PVALB: variants seen among roughly 807,000 people sequenced by gnomAD.
PVALB encodes parvalbumin alpha.
In PVALB, 11 loss-of-function variants were observed where a neutral mutation model predicts 10.9. The observed-to-expected ratio is 1.01, with a 90% CI of 0.63 to 1.67. The LOEUF (loss-of-function observed/expected upper bound fraction) is 1.67. PVALB is among the 40% of genes most tolerant of loss of function. PVALB has a pLI of 0.00. For synonymous variants in PVALB, 57 were observed against 50.7 expected (o/e 1.12, Z -0.53); for missense variants, 131 against 136.2 (o/e 0.96, Z 0.19).
Position 36,800,796 on chromosome 22 carries a change from A to ACC in PVALB, c.*93_*94insGG. 7.1e-7 allele frequency: 1 copy of ACC among 1,403,180 alleles called. No homozygotes were observed. Among genetic ancestry groups the ACC allele is most frequent in the Non-Finnish European group, 1.0e-6 (1 of 988,280 alleles). 86.9% of individuals were successfully genotyped at this position (1,403,180 alleles called of 1,614,324 possible). The stretch of plus-strand genomic sequence containing the variant: ...GGATGGGGGAGTAAAAAATAACATA[A>ACC]ACGAACTGAACAGAAATGCAGGAGG... On this transcript the variant is annotated 3_prime_UTR_variant, in exon 4 of 4. Coordinates refer to ENST00000417718, the MANE Select transcript of PVALB (RefSeq NM_001315532.2).
In PVALB at chr22:36,812,175, C is replaced by T. The variant is rs148456816; in HGVS notation, c.304+1471G>A. ...GGAGAAGCTGATGCACCCCATTTGCCGGGCAAGGGAACGTAGGTGTGCAGA... is the reference window on the plus strand; with the variant it reads ...GGAGAAGCTGATGCACCCCATTTGCTGGGCAAGGGAACGTAGGTGTGCAGA... On this transcript the variant is annotated intron_variant, in intron 3 of 3. Coordinates refer to ENST00000417718, the MANE Select transcript of PVALB (RefSeq NM_001315532.2). Among the ~76,000 whole-genome samples, 455 of 152,216 alleles carry T rather than the reference C, an allele frequency of 3.0e-3. 4 individuals carry two copies. Among genetic ancestry groups the T allele is most frequent in the African/African-American group, 0.01 (428 of 41,526 alleles).
intron 2 of PVALB, among the ~76,000 whole-genome samples, chr22:36,814,862 G>T (rs1939111980): frequency 6.6e-6 from 1 of 152,138 alleles, no homozygotes; most frequent in African/African-American, 2.4e-5. Flanking sequence ...ATATTAAGTG[G>T]CTATCATTTA....
chr22:36,813,250 T>C (rs938447349), intron 3 of PVALB, among the ~76,000 whole-genome samples: 9 of 152,056 alleles, frequency 5.9e-5, no homozygotes, highest in South Asian at 4.1e-4. Flanking sequence ...CGGCCTCATT[T>C]CGTTGGATTA....
At chr22:36,805,795 A>G (rs1938939849) in intron 3 of PVALB, among the ~76,000 whole-genome samples, 1 of 139,654 alleles carries the variant, frequency 7.2e-6, no homozygotes. Flanking sequence ...CCCCAGCACA[A>G]CAGACACAGG....
At chr22:36,810,973 A>G (rs1356970583) in intron 3 of PVALB, among the ~76,000 whole-genome samples, 1 of 151,744 alleles carries the variant, frequency 6.6e-6, no homozygotes, top group Non-Finnish European at 1.5e-5. Flanking sequence ...CAATTTGCAG[A>G]CAATAAAAAT....
chr22:36,817,383 G>A, upstream of PVALB: 1 of 171,880 alleles, frequency 5.8e-6, no homozygotes. Flanking sequence ...CAGGAGGTGC[G>A]CCGTCTCAGA....
chr22:36,803,701 A>ATGGATGGATGGG (rs1251730091), intron 3 of PVALB, among the ~76,000 whole-genome samples: 1 of 87,354 alleles, frequency 1.1e-5, no homozygotes, highest in African/African-American at 6.0e-5. Flanking sequence ...GGATGGATGG[A>ATGGATGGATGGG]TGGATGGATG....
intron 3 of PVALB, chr22:36,811,512 A>G (rs1939046010): frequency 2.1e-6 from 1 of 470,322 alleles, no homozygotes; most frequent in African/African-American, 2.0e-5. Context: ...TACTCAGTCA[A>G]CATCTGCTGG....
intron 3 of PVALB, among the ~76,000 whole-genome samples, chr22:36,807,041 C>T (rs1938960397): frequency 6.6e-6 from 1 of 152,220 alleles, no homozygotes; most frequent in South Asian, 2.1e-4. Flanking sequence ...AGGAAGGCTG[C>T]TTCCTCTCCC....
chr22:36,819,264 C>A (rs915393233), upstream of PVALB, among the ~76,000 whole-genome samples: 7 of 152,302 alleles, frequency 4.6e-5, no homozygotes, highest in African/African-American at 1.7e-4. Flanking sequence ...GGTGGAGAAG[C>A]AGGAATGCAT....
Position 36,813,699 on chromosome 22 carries a change from T to A in PVALB, c.251A>T (p.Lys84Met), listed in dbSNP as rs376442328. Residue 84 changes from lysine (K) to methionine (M), a missense_variant, in exon 3 of 4, where the codon AAG becomes ATG. Coordinates refer to ENST00000417718, the MANE Select transcript of PVALB (RefSeq NM_001315532.2). Reference protein sequence around the residue: ...DARDLSAKETKMLMAAGDKDG... With the variant: ...DARDLSAKETMMLMAAGDKDG... ...TTTGTCTCCAGCAGCCATCAGCATC[T>A]TGGTTTCTTTAGCAGACAGGTCTCT... 2 of 1,613,980 alleles carry A rather than the reference T, an allele frequency of 1.2e-6. No homozygotes were observed. Among genetic ancestry groups the A allele is most frequent in the African/African-American group, 2.7e-5 (2 of 74,878 alleles).
intron 3 of PVALB, among the ~76,000 whole-genome samples, chr22:36,806,887 C>T (rs564241542): frequency 3.8e-4 from 58 of 152,242 alleles, no homozygotes; most frequent in African/African-American, 1.2e-3. Context: ...GGCCAGGGTG[C>T]GTCTCTTCCT....
chr22:36,808,800 G>A (rs1188373322), intron 3 of PVALB, among the ~76,000 whole-genome samples: 2 of 152,156 alleles, frequency 1.3e-5, no homozygotes, highest in Non-Finnish European at 2.9e-5. Context: ...CCTGGGCTTT[G>A]CAACTGCAGG....
intron 3 of PVALB, among the ~76,000 whole-genome samples, chr22:36,813,060 G>T (rs996217184): frequency 6.6e-6 from 1 of 152,192 alleles, no homozygotes; most frequent in Non-Finnish European, 1.5e-5. Flanking sequence ...CTGATTTCTG[G>T]TTTACTGTTT....
upstream of PVALB, chr22:36,817,110 C>A (rs1939155040): frequency 1.8e-6 from 2 of 1,115,060 alleles, no homozygotes; most frequent in African/African-American, 3.3e-5. Flanking sequence ...GCGCCGGGCG[C>A]ACGCCCGCCG....
chr22:36,814,444 C>T (rs915197304), intron 2 of PVALB, among the ~76,000 whole-genome samples: 1 of 152,104 alleles, frequency 6.6e-6, no homozygotes, highest in Non-Finnish European at 1.5e-5. Flanking sequence ...CTACACCCAC[C>T]CCCCGCTTCT....
intron 3 of PVALB, 121 bp from the exon 4 acceptor site, chr22:36,801,039 C>T (rs1343899234): frequency 1.5e-5 from 14 of 907,054 alleles, no homozygotes; most frequent in South Asian, 9.8e-5. Flanking sequence ...CTGCAGCAGC[C>T]CCAGAGCGTA....
chr22:36,808,876 C>G (rs963247904), intron 3 of PVALB, among the ~76,000 whole-genome samples: 3 of 152,172 alleles, frequency 2.0e-5, no homozygotes, highest in Admixed American at 6.5e-5. Context: ...TCCTTTTCAG[C>G]CTTAAGCCCT....
At chr22:36,806,616 G>A (rs369402225) in intron 3 of PVALB, among the ~76,000 whole-genome samples, 3 of 151,998 alleles carry the variant, frequency 2.0e-5, no homozygotes, top group East Asian at 1.9e-4. Context: ...TCCCGGGCTC[G>A]GTTTCTTATA....
Sources: allele counts gnomAD v4.1 joint callset (sites outside exome capture counted in the v4.1 genomes callset), GRCh38; gene constraint gnomAD v4.1.1; transcripts MANE v1.5; gene names NCBI Gene and HGNC (gene_info 2026-07-23, HGNC 2026-07-21).